The following COL28A1 variants were observed in gnomAD, a reference collection of about 807,000 sequenced individuals.
The protein encoded by COL28A1 is collagen type XXVIII alpha 1 chain.
Under a neutral mutation model 150.2 loss-of-function variants are expected in COL28A1, and 161 were observed. The observed-to-expected ratio is 1.07, with a 90% CI of 0.94 to 1.22. The LOEUF (loss-of-function observed/expected upper bound fraction) is 1.22, where lower values mean the gene tolerates loss of function less well. COL28A1 is among the 50% of genes most tolerant of loss of function. The probability of loss-of-function intolerance (pLI) is 0.00; values close to 1 mark genes in which losing one functional copy is unlikely to be tolerated. For missense variants in COL28A1, 1,617 were observed against 1,388.3 expected, an observed-to-expected ratio of 1.16 and a Z score of -2.62; for synonymous variants, 552 against 469.7, an observed-to-expected ratio of 1.18 and a Z score of -2.26.
intron 13 of COL28A1, among the ~76,000 whole-genome samples, chr7:7,488,886 G>C (rs1418029106): frequency 1.3e-5 from 2 of 152,188 alleles, no homozygotes; most frequent in Non-Finnish European, 2.9e-5. Context: ...TACAGTAAAA[G>C]AGAGTTGGTG....
At chr7:7,405,202 A>C (rs1218708716) in intron 27 of COL28A1, among the ~76,000 whole-genome samples, 3 of 152,246 alleles carry the variant, frequency 2.0e-5, no homozygotes, top group African/African-American at 7.2e-5. Context: ...TATGTAAAAC[A>C]AAAGCAGATT....
At chr7:7,407,160 T>C (rs1463124480) in intron 27 of COL28A1, among the ~76,000 whole-genome samples, 1 of 151,774 alleles carries the variant, frequency 6.6e-6, no homozygotes, top group Non-Finnish European at 1.5e-5. Flanking sequence ...TGAAAAAATA[T>C]ATATAAAAAA....
At chr7:7,491,737 A>T (rs1293338578) in intron 11 of COL28A1, among the ~76,000 whole-genome samples, 2 of 152,348 alleles carry the variant, frequency 1.3e-5, no homozygotes, top group South Asian at 2.1e-4. Context: ...CCACTCACAC[A>T]GTTACAGCTC....
chr7:7,525,840 G>A (rs1781994583), intron 3 of COL28A1, among the ~76,000 whole-genome samples: 1 of 152,086 alleles, frequency 6.6e-6, no homozygotes, highest in Non-Finnish European at 1.5e-5. Context: ...ATCCTTCCAG[G>A]TAATTTTCTC....
At chr7:7,536,795 T>C (rs1318854373), upstream of COL28A1, among the ~76,000 whole-genome samples, 3 of 152,210 alleles carry the variant, frequency 2.0e-5, no homozygotes, top group African/African-American at 7.2e-5. Flanking sequence ...TAGCCTCCAA[T>C]TCATGGACAC....
At chr7:7,502,930 C>CGTTT in intron 11 of COL28A1, among the ~76,000 whole-genome samples, 1 of 46,392 alleles carries the variant, frequency 2.2e-5, no homozygotes, top group South Asian at 5.8e-4. Flanking sequence ...ATCTCCTGAC[C>CGTTT]TCGTGATCCG....
Position 7,381,620 on chromosome 7 carries a change from GGATATGAGA to G in COL28A1, c.2137-17_2137-9del. ...TTGTGGTCCTTGTTCCCCCTACATA[GGATATGAGA>G]AAGAGATGTTCTATTAATTTCCCAG... is the stretch of plus-strand genomic sequence containing the variant. On this transcript the variant is annotated splice_polypyrimidine_tract_variant and intron_variant, in intron 27 of 34. Transcript: ENST00000399429. 3 of 1,608,766 alleles carry G rather than the reference GGATATGAGA, an allele frequency of 1.9e-6. No homozygotes were observed. Among genetic ancestry groups the G allele is most frequent in the Non-Finnish European group, 2.6e-6 (3 of 1,175,218 alleles).
intron 18 of COL28A1, among the ~76,000 whole-genome samples, chr7:7,448,604 A>C (rs1001835033): frequency 6.6e-6 from 1 of 151,682 alleles, no homozygotes; most frequent in Non-Finnish European, 1.5e-5. Context: ...ACATATAAAA[A>C]TGTTCATTTA....
chr7:7,430,246 C>A (rs1347803149), intron 25 of COL28A1, among the ~76,000 whole-genome samples: 1 of 152,124 alleles, frequency 6.6e-6, no homozygotes, highest in Non-Finnish European at 1.5e-5. Flanking sequence ...CCTGCCTCGG[C>A]CTCCTGAGCA....
intron 15 of COL28A1, among the ~76,000 whole-genome samples, chr7:7,456,464 T>C (rs1787179469): frequency 6.6e-6 from 1 of 152,154 alleles, no homozygotes; most frequent in South Asian, 2.1e-4. Flanking sequence ...TAGGATATAA[T>C]AAAAATAGAA....
In COL28A1 at chr7:7,432,628, T is replaced by A; in HGVS notation, c.1929+4A>T. 2 of 1,613,880 alleles carry A rather than the reference T, an allele frequency of 1.2e-6. No homozygotes were observed. Among genetic ancestry groups the A allele is most frequent in the Non-Finnish European group, 1.7e-6 (2 of 1,179,918 alleles). ...GGGAGGGAAGAAAAAAATGTCCCAC[T>A]TACAGGCACACCAGGATAGCCATCA... is the stretch of plus-strand genomic sequence containing the variant. On this transcript the variant is annotated splice_donor_region_variant and intron_variant, in intron 24 of 34. Transcript: ENST00000399429.
At chr7:7,514,596 T>A (rs935304527) in intron 8 of COL28A1, among the ~76,000 whole-genome samples, 2 of 152,246 alleles carry the variant, frequency 1.3e-5, no homozygotes, top group Admixed American at 1.3e-4. Context: ...GAAGCCCACA[T>A]ACCATGTGTC....
At chr7:7,412,178 A>T (rs1783826604) in intron 27 of COL28A1, among the ~76,000 whole-genome samples, 1 of 152,084 alleles carries the variant, frequency 6.6e-6, no homozygotes, top group African/African-American at 2.4e-5. Context: ...AGTCCTGGCC[A>T]CGAGTTTATG....
chr7:7,370,621 G>A (rs1781177146), intron 33 of COL28A1, 104 bp downstream of exon 33: 13 of 836,270 alleles, frequency 1.6e-5, no homozygotes, highest in Non-Finnish European at 2.1e-5. Context: ...AAAAATACAC[G>A]TGCCTCAGCT....
intron 25 of COL28A1, among the ~76,000 whole-genome samples, chr7:7,423,800 G>A (rs1287113776): frequency 1.3e-5 from 2 of 152,128 alleles, no homozygotes; most frequent in South Asian, 2.1e-4. Context: ...TCAATGCTCA[G>A]TGTTGCTATT....
chr7:7,338,568 T>G, the COL28A1 span, among the ~76,000 whole-genome samples: 2 of 152,156 alleles, frequency 1.3e-5, no homozygotes, highest in Non-Finnish European at 2.9e-5. Flanking sequence ...ACTGAAGATG[T>G]TTATCAGGTC....
intron 25 of COL28A1, among the ~76,000 whole-genome samples, chr7:7,425,623 C>T (rs1191389749): frequency 6.6e-6 from 1 of 152,166 alleles, no homozygotes; most frequent in East Asian, 1.9e-4. Flanking sequence ...CTTATCCATC[C>T]TACAATGTGT....
At chr7:7,474,745 T>G (rs775148642) in intron 14 of COL28A1, 76 bp from the exon 15 acceptor site, 6 of 778,682 alleles carry the variant, frequency 7.7e-6, no homozygotes, top group Non-Finnish European at 1.3e-5. Flanking sequence ...ACAAATACTA[T>G]GAATTGTGCT....
chr7:7,401,488 C>T (rs1158039997), intron 27 of COL28A1, among the ~76,000 whole-genome samples: 3 of 152,132 alleles, frequency 2.0e-5, no homozygotes, highest in Admixed American at 6.6e-5. Flanking sequence ...CAACACCTAC[C>T]TATTATATAA....
Sources: allele counts gnomAD v4.1 joint callset (sites outside exome capture counted in the v4.1 genomes callset), GRCh38; gene constraint gnomAD v4.1.1; transcripts MANE v1.5; gene names NCBI Gene and HGNC (gene_info 2026-07-23, HGNC 2026-07-21).